MACROD2: variants seen among roughly 807,000 people sequenced by gnomAD.
The protein encoded by MACROD2 is ADP-ribose glycohydrolase MACROD2.
In MACROD2, 36 loss-of-function variants were observed where a neutral mutation model predicts 70.4. That is an observed-to-expected ratio of 0.51 (90% CI 0.39 to 0.68). The LOEUF (loss-of-function observed/expected upper bound fraction) is 0.68. MACROD2 is among the 30% of genes least tolerant of loss of function. The probability of loss-of-function intolerance (pLI) is 0.00; values close to 1 mark genes in which losing one functional copy is unlikely to be tolerated. For synonymous variants in MACROD2, 172 were observed against 178.8 expected (o/e 0.96, Z 0.30); for missense variants, 496 against 538.4 (o/e 0.92, Z 0.78).
intron 4 of MACROD2, among the ~76,000 whole-genome samples, chr20:14,495,773 A>AT (rs767961196): frequency 1.3e-5 from 2 of 152,140 alleles, no homozygotes; most frequent in African/African-American, 2.4e-5. Flanking sequence ...TCAGTTTTCT[A>AT]TTTAGCTAAA....
intron 3 of MACROD2, among the ~76,000 whole-genome samples, chr20:14,421,229 C>T (rs935129028): frequency 2.6e-5 from 4 of 152,172 alleles, no homozygotes; most frequent in East Asian, 1.9e-4. Context: ...TCCCATAAAA[C>T]GAGGCAGAAA....
At chr20:14,037,652 G>T (rs997473703) in intron 2 of MACROD2, among the ~76,000 whole-genome samples, 2 of 150,538 alleles carry the variant, frequency 1.3e-5, no homozygotes, top group South Asian at 4.2e-4. Context: ...GGTGGGGGGG[G>T]TAGTTAGTAA....
chr20:14,215,335 TATACACACACACACACACACACAC>T (rs1223744203), intron 3 of MACROD2, among the ~76,000 whole-genome samples: 11 of 101,672 alleles, frequency 1.1e-4, no homozygotes, highest in African/African-American at 2.0e-4. Context: ...TGCCATCATA[TATACACACACACACACACACACAC>T]ACACACACAC....
intron 6 of MACROD2, among the ~76,000 whole-genome samples, chr20:15,272,954 T>G (rs1423422410): frequency 6.6e-6 from 1 of 152,242 alleles, no homozygotes; most frequent in Non-Finnish European, 1.5e-5. Flanking sequence ...GAATTACGTT[T>G]GCTCATGCTG....
intron 3 of MACROD2, among the ~76,000 whole-genome samples, chr20:14,485,618 G>A (rs1040298236): frequency 7.3e-6 from 1 of 137,756 alleles, no homozygotes; most frequent in East Asian, 2.3e-4. Flanking sequence ...GGAGAATGAC[G>A]TGAACCCAGG....
At chr20:15,346,953 G>T (rs2078173301) in intron 6 of MACROD2, among the ~76,000 whole-genome samples, 1 of 152,146 alleles carries the variant, frequency 6.6e-6, no homozygotes, top group Admixed American at 6.5e-5. Flanking sequence ...GGCTTGGGTA[G>T]CTGAGTGCAT....
intron 10 of MACROD2, among the ~76,000 whole-genome samples, chr20:15,931,557 C>T (rs6131741): frequency 0.04 from 6,021 of 151,814 alleles, 275 homozygotes; most frequent in East Asian, 0.23. Context: ...GTGGGAGGAT[C>T]GCTTGAGTCC....
At chr20:15,486,588 G>A (rs1050646902) in intron 7 of MACROD2, among the ~76,000 whole-genome samples, 1 of 152,148 alleles carries the variant, frequency 6.6e-6, no homozygotes, top group African/African-American at 2.4e-5. Flanking sequence ...TCAATGCCTG[G>A]TAGGTCTGAC....
intron 8 of MACROD2, among the ~76,000 whole-genome samples, chr20:15,639,694 C>T (rs1301383551): frequency 6.6e-6 from 1 of 152,168 alleles, no homozygotes; most frequent in African/African-American, 2.4e-5. Context: ...CAGCAGTGAT[C>T]CCCAAGAGGT....
intron 4 of MACROD2, among the ~76,000 whole-genome samples, chr20:14,673,760 A>C (rs543029007): frequency 0.035 from 5,393 of 152,038 alleles, 317 homozygotes; most frequent in African/African-American, 0.12. Flanking sequence ...CTTTACTAAA[A>C]AAACAAAAAA....
At chr20:14,986,605 T>A (rs2074850931) in intron 5 of MACROD2, among the ~76,000 whole-genome samples, 1 of 152,198 alleles carries the variant, frequency 6.6e-6, no homozygotes, top group Non-Finnish European at 1.5e-5. Context: ...TAGGTATTTA[T>A]GAAAAAGCTC....
rs926438236 is a variant in MACROD2 at position 15,858,272 on chromosome 20, A to G, written c.646-4473A>G. ...AACCACTATTTCACAAAATTATTTT[A>G]CTGCCTAACATTTAAAAAAAAATGA... On this transcript the variant is annotated intron_variant, in intron 8 of 17. Coordinates refer to ENST00000684519, the MANE Select transcript of MACROD2 (RefSeq NM_001351661.2). Among the ~76,000 whole-genome samples the G allele has an allele frequency of 2.3e-5, 3 of 131,448 alleles. No individual in the cohort carries two copies. The Admixed American group carries it at 2.4e-4, about 11-fold the overall frequency. The allele number at this position is 131,448 out of a possible 152,430, so 86.2% of individuals were successfully genotyped here.
intron 12 of MACROD2, among the ~76,000 whole-genome samples, chr20:15,952,101 C>T (rs571166656): frequency 3.3e-5 from 5 of 151,978 alleles, no homozygotes; most frequent in Admixed American, 2.6e-4. Context: ...CATAAGCTCT[C>T]TCTTTGCCTG....
chr20:14,590,567 G>T (rs990146484), intron 4 of MACROD2, among the ~76,000 whole-genome samples: 3 of 152,066 alleles, frequency 2.0e-5, no homozygotes, highest in Non-Finnish European at 4.4e-5. Context: ...TATCCATTTT[G>T]CATACTATTT....
At chr20:14,949,906 C>G (rs59990225) in intron 5 of MACROD2, among the ~76,000 whole-genome samples, 1,611 of 152,172 alleles carry the variant, frequency 0.011, 30 homozygotes, top group African/African-American at 0.037. Context: ...AACTGAAGCT[C>G]AAAGAAACCA....
chr20:14,668,477 C>T (rs1436708809), intron 4 of MACROD2, among the ~76,000 whole-genome samples: 1 of 152,092 alleles, frequency 6.6e-6, no homozygotes. Flanking sequence ...ATTCAAATAA[C>T]GCAGGCCTAG....
At chr20:15,060,224 T>A (rs1407154602) in intron 5 of MACROD2, among the ~76,000 whole-genome samples, 1 of 152,188 alleles carries the variant, frequency 6.6e-6, no homozygotes, top group Non-Finnish European at 1.5e-5. Flanking sequence ...CTGCCCTGTG[T>A]GATTCTGGTT....
intron 7 of MACROD2, among the ~76,000 whole-genome samples, chr20:15,478,621 C>A (rs1324463386): frequency 6.6e-6 from 1 of 152,068 alleles, no homozygotes; most frequent in Non-Finnish European, 1.5e-5. Context: ...GACGTTCTCT[C>A]CCATTGACCA....
chr20:14,584,505 TTTGTATTC>T (rs1479825584), intron 4 of MACROD2, among the ~76,000 whole-genome samples: 7 of 152,144 alleles, frequency 4.6e-5, no homozygotes, highest in Admixed American at 4.6e-4. Context: ...CCATCTTCTT[TTTGTATTC>T]TTGCATGGCA....
Sources: allele counts gnomAD v4.1 joint callset (sites outside exome capture counted in the v4.1 genomes callset), GRCh38; gene constraint gnomAD v4.1.1; transcripts MANE v1.5; gene names NCBI Gene and HGNC (gene_info 2026-07-23, HGNC 2026-07-21).